KCNQ1: variants seen among roughly 807,000 people sequenced by gnomAD.
KCNQ1 encodes potassium voltage-gated channel subfamily Q member 1.
A neutral mutation model predicts 72.4 loss-of-function variants in KCNQ1; 49 were observed. The observed-to-expected ratio is 0.68, with a 90% CI of 0.54 to 0.86. The LOEUF (loss-of-function observed/expected upper bound fraction) is 0.86, where lower values mean the gene tolerates loss of function less well. Ranked by LOEUF, KCNQ1 falls within the 40% of genes least tolerant of loss-of-function variation. The pLI, the probability that KCNQ1 is intolerant of heterozygous loss-of-function variation, is 0.00. For missense variants in KCNQ1, 790 were observed against 945.1 expected (o/e 0.84, Z 2.15); for synonymous variants, 450 against 412.6 (o/e 1.09, Z -1.10).
At position 2,712,844 on chromosome 11, in the gene KCNQ1, G is replaced by A. The variant is rs1851028149; in HGVS notation, c.1514+50763G>A. ...CATGGCATCTCCTAGAGAGTTTGGG[G>A]GCTGGACACAGGGAGGAGGCAGCAT... On this transcript the variant is annotated intron_variant, in intron 11 of 15. Transcript: ENST00000155840. This position sits in a 1 kb window ranked among gnomAD's most constrained non-coding sequence, Gnocchi z 6.4. 6.6e-6 allele frequency among the ~76,000 whole-genome samples: 1 copy of A among 152,164 alleles called. No homozygotes were observed. The highest frequency in any genetic ancestry group is 1.5e-5 in the Non-Finnish European group (1 of 68,026).
rs765913607 is a variant in KCNQ1 at position 2,445,298 on chromosome 11, C to G, written c.200C>G (p.Pro67Arg). Residue 67 changes from proline (P) to arginine (R), a missense_variant, in exon 1 of 16, where the codon CCG becomes CGG. Transcript: ENST00000155840. ...CCAGGTCCCGCGCCCCCTGCGTCCC[C>G]GGCCGCGCCCGCCGCGCCCCCAGTT... ...GAPGPAPPAS[P>R]AAPAAPPVAS... The G allele has an allele frequency of 3.5e-6, 5 of 1,410,322 alleles. No homozygotes were observed. The highest frequency in any genetic ancestry group is 3.0e-5 in the African/African-American group (2 of 67,560). 87.4% of individuals were successfully genotyped at this position (1,410,322 alleles called of 1,614,324 possible). A position where few individuals can be genotyped will look rare whatever the true frequency, so the allele number is the denominator to read the frequency against.
chr11:2,816,254 G>A lies in KCNQ1; in HGVS notation c.1795-31513G>A, dbSNP rs1847611753. Among the ~76,000 whole-genome samples the A allele has an allele frequency of 6.6e-6, 1 of 152,242 alleles. No homozygotes were observed. Among genetic ancestry groups the A allele is most frequent in the African/African-American group, 2.4e-5 (1 of 41,466 alleles). On this transcript the variant is annotated intron_variant, in intron 15 of 15. Coordinates refer to ENST00000155840, the MANE Select transcript of KCNQ1 (RefSeq NM_000218.3). This position sits in a 1 kb window ranked among gnomAD's most constrained non-coding sequence, Gnocchi z 6.8. The stretch of plus-strand genomic sequence containing the variant: ...AAGTGGATAAAGATTCAGGTTGTGG[G>A]AGGGAGACTTGAAGGGCAAGTTGGC...
chr11:2,610,245 C>A (rs1848957090), intron 10 of KCNQ1: 1 of 397,774 alleles, frequency 2.5e-6, no homozygotes, highest in East Asian at 3.6e-5. Flanking sequence ...TATATTAATC[C>A]TGGTGAGATA....
chr11:2,487,585 C>T (rs1846762068), intron 1 of KCNQ1, among the ~76,000 whole-genome samples: 1 of 152,010 alleles, frequency 6.6e-6, no homozygotes. Flanking sequence ...AGTCTTTTAC[C>T]TCCTTGGTTA....
At chr11:2,737,360 T>C (rs1398271343) in intron 11 of KCNQ1, among the ~76,000 whole-genome samples, 1 of 152,164 alleles carries the variant, frequency 6.6e-6, no homozygotes, top group African/African-American at 2.4e-5. Context: ...GCTGCTCTCC[T>C]GGGGCATGTG....
Position 2,818,726 on chromosome 11 carries a change from G to A in KCNQ1, c.1795-29041G>A, listed in dbSNP as rs945189430. ...CCCAGAGCCCCCAGCCCCTACCCTA[G>A]TCTGATGACCCAGGCCTTTCCCCCT... On this transcript the variant is annotated intron_variant, in intron 15 of 15. Coordinates refer to ENST00000155840, the MANE Select transcript of KCNQ1 (RefSeq NM_000218.3). This position sits in a 1 kb window ranked among gnomAD's most constrained non-coding sequence, Gnocchi z 7.2. Among the ~76,000 whole-genome samples the A allele has an allele frequency of 1.3e-5, 2 of 151,590 alleles. No individual in the cohort carries two copies. The highest frequency in any genetic ancestry group is 2.4e-5 in the African/African-American group (1 of 41,192).
chr11:2,627,895 C>A lies in KCNQ1; in HGVS notation c.1394-34066C>A. 2 of 398,618 alleles carry A rather than the reference C, an allele frequency of 5.0e-6. No homozygotes were observed. Among genetic ancestry groups the A allele is most frequent in the South Asian group, 2.6e-4 (2 of 7,794 alleles). 24.7% of individuals were successfully genotyped at this position (398,618 alleles called of 1,614,324 possible). A position where few individuals can be genotyped will look rare whatever the true frequency, so the allele number is the denominator to read the frequency against. ...CCTCCTGAGTAGCTGGGACCACAGT[C>A]ATGCACCCCCATGCCCAGCTAATTT... is the stretch of plus-strand genomic sequence containing the variant. On this transcript the variant is annotated intron_variant, in intron 10 of 15. Transcript: ENST00000155840. This position sits in a 1 kb window ranked among gnomAD's most constrained non-coding sequence, Gnocchi z 4.9.
intron 15 of KCNQ1, among the ~76,000 whole-genome samples, chr11:2,778,453 G>A (rs1048959681): frequency 2.0e-5 from 3 of 152,208 alleles, no homozygotes; most frequent in African/African-American, 4.8e-5. Context: ...CTCCACTTGG[G>A]GCCGGCCGAG....
Position 2,445,180 on chromosome 11 carries a change from G to C in KCNQ1, c.82G>C (p.Ala28Pro). 8.8e-7 allele frequency: 1 copy of C among 1,140,956 alleles called. No individual in the cohort carries two copies. The highest frequency in any genetic ancestry group is 1.1e-6 in the Non-Finnish European group (1 of 926,042). 70.7% of individuals were successfully genotyped at this position (1,140,956 alleles called of 1,614,324 possible). A position where few individuals can be genotyped will look rare whatever the true frequency, so the allele number is the denominator to read the frequency against. The change falls in exon 1 of 16, where the codon GCG becomes CCG. Residue 28 changes from alanine to proline, a missense_variant. Ala to Pro is a conservative substitution (Grantham distance 27, BLOSUM62 -1). Transcript: ENST00000155840. ...GRLPGARRGSAGLAKKCPFSL... is the reference protein window; with the variant it reads ...GRLPGARRGSPGLAKKCPFSL... ...CCTGCCAGGCGCCCGGCGGGGCAGC[G>C]CGGGCCTGGCCAAGAAGTGCCCCTT...
At position 2,769,622 on chromosome 11, in the gene KCNQ1, G is replaced by A. The variant is rs1048243620; in HGVS notation, c.1590+703G>A. ...ACATTCCTCGGATGAAGGCGGTGGT[G>A]GGGGGTACTGAGTCCTGGCTTGGAA... On this transcript the variant is annotated intron_variant, in intron 12 of 15. Transcript: ENST00000155840. The surrounding 1 kb of genome is among the most constrained non-coding windows in gnomAD (Gnocchi z 4.6). Among the ~76,000 whole-genome samples the A allele has an allele frequency of 6.6e-6, 1 of 152,186 alleles. No individual in the cohort carries two copies. The highest frequency in any genetic ancestry group is 1.5e-5 in the Non-Finnish European group (1 of 68,032).
chr11:2,528,859 G>A (rs558768683), intron 2 of KCNQ1, among the ~76,000 whole-genome samples: 38 of 152,348 alleles, frequency 2.5e-4, no homozygotes, highest in African/African-American at 7.9e-4. Context: ...CCGTCCCTCC[G>A]GGGTCCAGAG....
rs1846021008 is a variant in KCNQ1, at chr11:2,445,331, A to C, written c.233A>C (p.Asp78Ala). 3.1e-6 allele frequency: 5 copies of C among 1,587,310 alleles called. No homozygotes were observed. In the Admixed American group the frequency reaches 6.8e-5, roughly 22 times the overall value. The change falls in exon 1 of 16, where the codon GAC becomes GCC. Residue 78 changes from aspartate to alanine, a missense_variant. Coordinates refer to ENST00000155840, the MANE Select transcript of KCNQ1 (RefSeq NM_000218.3). ...CCCGCCGCGCCCCCAGTTGCCTCCG[A>C]CCTTGGCCCGCGGCCGCCGGTGAGC... ...AAPAAPPVAS[D>A]LGPRPPVSLD...
intron 11 of KCNQ1, chr11:2,666,632 T>A: frequency 2.5e-6 from 1 of 398,620 alleles, no homozygotes; most frequent in Non-Finnish European, 4.4e-6. Context: ...TGGCCCCAAA[T>A]TTGGCTTCAT....
Position 2,704,665 on chromosome 11 carries a change from C to T in KCNQ1, c.1514+42584C>T, listed in dbSNP as rs529028944. On this transcript the variant is annotated intron_variant, in intron 11 of 15. Transcript: ENST00000155840. The surrounding 1 kb of genome is among the most constrained non-coding windows in gnomAD (Gnocchi z 4.3). ...AGGGGGAAGACTACGGGGGACTTGC[C>T]GTCACCCAGTGAGAGAGATGGGAGG... Among the ~76,000 whole-genome samples the T allele has an allele frequency of 5.7e-4, 87 of 152,268 alleles. 1 individual carries two copies. In the South Asian group the frequency reaches 9.1e-3, roughly 16 times the overall value.
chr11:2,557,121 C>T (rs1848083769), intron 2 of KCNQ1, among the ~76,000 whole-genome samples: 1 of 151,926 alleles, frequency 6.6e-6, no homozygotes, highest in South Asian at 2.1e-4. Context: ...AAAGGAATGG[C>T]CAAAGAGAGG....
In KCNQ1 at chr11:2,599,913, T is replaced by G. The variant is rs1292190360; in HGVS notation, c.1393+11059T>G. Reference sequence around the variant, plus strand: ...AGGTATTAAAGACCAGGGCTTCAACTGCAAACCTTGTGGGACACAATTCAG... The same window carrying G: ...AGGTATTAAAGACCAGGGCTTCAACGGCAAACCTTGTGGGACACAATTCAG... On this transcript the variant is annotated intron_variant, in intron 10 of 15. Transcript: ENST00000155840. This position sits in a 1 kb window ranked among gnomAD's most constrained non-coding sequence, Gnocchi z 4.7. 6.6e-6 allele frequency among the ~76,000 whole-genome samples: 1 copy of G among 152,250 alleles called. No homozygotes were observed. Among genetic ancestry groups the G allele is most frequent in the Admixed American group, 6.5e-5 (1 of 15,286 alleles).
At position 2,445,211 on chromosome 11, in the gene KCNQ1, T is replaced by A; in HGVS notation, c.113T>A (p.Leu38Gln). ...CTGGCCAAGAAGTGCCCCTTCTCGCTGGAGCTGGCGGAGGGCGGCCCGGCG... is the reference window on the plus strand; with the variant it reads ...CTGGCCAAGAAGTGCCCCTTCTCGCAGGAGCTGGCGGAGGGCGGCCCGGCG... ...AGLAKKCPFS[L>Q]ELAEGGPAGG... The change falls in exon 1 of 16, where the codon CTG becomes CAG. Residue 38 changes from leucine to glutamine, a missense_variant. Physicochemically the swap from Leu to Gln is moderately radical, Grantham distance 113. Coordinates refer to ENST00000155840, the MANE Select transcript of KCNQ1 (RefSeq NM_000218.3). The A allele has an allele frequency of 8.8e-7, 1 of 1,142,748 alleles. No homozygotes were observed. Among genetic ancestry groups the A allele is most frequent in the South Asian group, 2.9e-5 (1 of 34,620 alleles). 70.8% of individuals were successfully genotyped at this position (1,142,748 alleles called of 1,614,324 possible).
At chr11:2,662,218 T>A in intron 11 of KCNQ1, 137 bp downstream of exon 11, 1 of 1,215,224 alleles carries the variant, frequency 8.2e-7, no homozygotes, top group Non-Finnish European at 1.2e-6. Context: ...GCCGTCTGCC[T>A]GGCCCCAACA....
chr11:2,667,448 C>T (rs921789047), intron 11 of KCNQ1: 5 of 398,610 alleles, frequency 1.3e-5, no homozygotes, highest in Non-Finnish European at 2.2e-5. Flanking sequence ...TGCTCAGGTC[C>T]TCAGCCAAGC....
Sources: allele counts gnomAD v4.1 joint callset (sites outside exome capture counted in the v4.1 genomes callset), GRCh38; gene constraint gnomAD v4.1.1; non-coding constraint Gnocchi (gnomAD v3.1); transcripts MANE v1.5; gene names NCBI Gene and HGNC (gene_info 2026-07-23, HGNC 2026-07-21).